CDYL: variants seen among roughly 807,000 people sequenced by gnomAD.
CDYL encodes the protein chromodomain Y like.
A neutral mutation model predicts 47.3 loss-of-function variants in CDYL; 8 were observed. The ratio of observed to expected loss-of-function variants is 0.17; its 90% CI spans 0.10 to 0.31. CDYL has a LOEUF of 0.31. CDYL is among the 10% of genes least tolerant of loss of function. The pLI, the probability that CDYL is intolerant of heterozygous loss-of-function variation, is 1.00. For synonymous variants in CDYL, 266 were observed against 265.0 expected (o/e 1.00, Z -0.04); for missense variants, 471 against 701.4 (o/e 0.67, Z 3.71).
chr6:4,812,481 C>T (rs1386581297), intron 1 of CDYL, among the ~76,000 whole-genome samples: 1 of 152,194 alleles, frequency 6.6e-6, no homozygotes, highest in East Asian at 1.9e-4. Context: ...CTAAATTGCC[C>T]TCCAAACTGG....
At chr6:4,937,760 A>G in intron 4 of CDYL, 23 bp downstream of exon 4, 2 of 1,590,480 alleles carry the variant, frequency 1.3e-6, no homozygotes, top group African/African-American at 1.4e-5. Context: ...GATGTTTTTT[A>G]AACATTGGTT....
rs531699208 is a variant in CDYL at position 4,906,372 on chromosome 6, A to G, written c.691+13993A>G. Reference sequence around the variant, plus strand: ...AATACCATGAGAGCATAACGTGAGCATTATCAGCTAGGTGAGTGCGGAAGA... The same window carrying G: ...AATACCATGAGAGCATAACGTGAGCGTTATCAGCTAGGTGAGTGCGGAAGA... On this transcript the variant is annotated intron_variant, in intron 2 of 6. Transcript: ENST00000397588. Among the ~76,000 whole-genome samples the G allele has an allele frequency of 1.1e-4, 16 of 152,356 alleles. 1 individual carries two copies. The highest frequency in any genetic ancestry group is 7.2e-4 in the Admixed American group (11 of 15,306).
At chr6:4,843,770 T>TC in intron 1 of CDYL, among the ~76,000 whole-genome samples, 1 of 152,332 alleles carries the variant, frequency 6.6e-6, no homozygotes, top group East Asian at 1.9e-4. Context: ...ACTTTACCAT[T>TC]CTCTGGTGCC....
upstream of CDYL, chr6:4,774,463 T>C (rs919087588): frequency 2.0e-5 from 3 of 152,172 alleles, no homozygotes; most frequent in African/African-American, 7.2e-5. Flanking sequence ...AAAGAGGCGC[T>C]GTTTGGAGGA....
intron 1 of CDYL, among the ~76,000 whole-genome samples, chr6:4,852,803 G>GTTTTTTTGTTTT (rs1163412177): frequency 2.0e-5 from 3 of 147,634 alleles, no homozygotes; most frequent in African/African-American, 8.0e-5. Flanking sequence ...GGGTTTCTTT[G>GTTTTTTTGTTTT]TTCTTTTTTT....
intron 1 of CDYL, among the ~76,000 whole-genome samples, chr6:4,852,013 G>A (rs954414565): frequency 2.6e-5 from 4 of 152,132 alleles, no homozygotes; most frequent in Non-Finnish European, 5.9e-5. Flanking sequence ...TCTTGGTGGT[G>A]TGTGTAATTT....
At chr6:4,727,418 C>A (rs1757533829) in intron 2 of CDYL, among the ~76,000 whole-genome samples, 1 of 152,136 alleles carries the variant, frequency 6.6e-6, no homozygotes, top group South Asian at 2.1e-4. Context: ...TGCAACACAG[C>A]CTTCCACAGG....
chr6:4,940,684 A>G (rs1009830391), intron 4 of CDYL, among the ~76,000 whole-genome samples: 5 of 152,252 alleles, frequency 3.3e-5, no homozygotes, highest in Non-Finnish European at 5.9e-5. Context: ...TGCCAGAACC[A>G]GTAGCTGCCA....
At chr6:4,834,033 C>G (rs1760222411) in intron 1 of CDYL, among the ~76,000 whole-genome samples, 1 of 151,064 alleles carries the variant, frequency 6.6e-6, no homozygotes, top group Non-Finnish European at 1.5e-5. Flanking sequence ...ATCCAATTTG[C>G]CAGTCTGTGT....
chr6:4,893,006 C>G (rs1762094704), intron 2 of CDYL, among the ~76,000 whole-genome samples: 1 of 152,244 alleles, frequency 6.6e-6, no homozygotes, highest in Non-Finnish European at 1.5e-5. Context: ...GTGCCATGAC[C>G]TGTCCATCTC....
At chr6:4,936,650 A>G (rs1281150534) in intron 3 of CDYL, among the ~76,000 whole-genome samples, 1 of 152,232 alleles carries the variant, frequency 6.6e-6, no homozygotes. Context: ...CTTGGACTTA[A>G]CGCACTTACG....
intron 2 of CDYL, among the ~76,000 whole-genome samples, chr6:4,918,858 TG>T (rs1278881540): frequency 2.0e-5 from 3 of 152,224 alleles, no homozygotes; most frequent in Non-Finnish European, 4.4e-5. Context: ...GCTGCTTTTC[TG>T]ATTTAGGAGT....
intron 2 of CDYL, chr6:4,715,918 G>C (rs1373836965): frequency 6.3e-7 from 1 of 1,597,406 alleles, no homozygotes; most frequent in Non-Finnish European, 8.5e-7. Flanking sequence ...TTCTGATGCA[G>C]TAGGCAGAAT....
intron 2 of CDYL, among the ~76,000 whole-genome samples, chr6:4,716,164 C>A (rs963886368): frequency 1.3e-5 from 2 of 151,336 alleles, no homozygotes; most frequent in Admixed American, 6.6e-5. Flanking sequence ...AGGAGAATGG[C>A]GTGAACCCGG....
intron 1 of CDYL, among the ~76,000 whole-genome samples, chr6:4,778,740 G>A (rs1758535675): frequency 6.6e-6 from 1 of 152,244 alleles, no homozygotes; most frequent in South Asian, 2.1e-4. Flanking sequence ...TAGTAAATAT[G>A]TAGTGGTCAG....
chr6:4,864,738 C>T (rs1319175974), intron 1 of CDYL, among the ~76,000 whole-genome samples: 9 of 152,126 alleles, frequency 5.9e-5, no homozygotes. Context: ...ATAAGAAGTG[C>T]CTTTCACCTC....
intron 3 of CDYL, among the ~76,000 whole-genome samples, chr6:4,736,629 T>G (rs901633290): frequency 6.7e-6 from 1 of 150,226 alleles, no homozygotes; most frequent in African/African-American, 2.4e-5. Flanking sequence ...TCCCTAGGAG[T>G]GGAGAGACAT....
At chr6:4,760,416 A>C (rs1222542926) in intron 3 of CDYL, among the ~76,000 whole-genome samples, 1 of 152,104 alleles carries the variant, frequency 6.6e-6, no homozygotes, top group Non-Finnish European at 1.5e-5. Flanking sequence ...AGTATGCCCA[A>C]GAATAAATAA....
intron 1 of CDYL, among the ~76,000 whole-genome samples, chr6:4,777,162 G>T (rs1364144241): frequency 2.1e-5 from 3 of 145,558 alleles, no homozygotes; most frequent in South Asian, 2.2e-4. Flanking sequence ...GGTACGGGGG[G>T]TGGGGTGTGG....
Sources: allele counts gnomAD v4.1 joint callset (sites outside exome capture counted in the v4.1 genomes callset), GRCh38; gene constraint gnomAD v4.1.1; transcripts MANE v1.5; gene names NCBI Gene and HGNC (gene_info 2026-07-23, HGNC 2026-07-21).